The following ATF2 variants were observed in gnomAD, a reference collection of about 807,000 sequenced individuals.
ATF2 encodes cyclic AMP-dependent transcription factor ATF-2.
A neutral mutation model predicts 60.6 loss-of-function variants in ATF2; 24 were observed. The observed-to-expected ratio is 0.40, with a 90% CI of 0.29 to 0.56. ATF2 has a LOEUF of 0.56. Ranked by LOEUF, ATF2 falls within the 20% of genes least tolerant of loss-of-function variation. The probability of loss-of-function intolerance (pLI) is 0.54; values close to 1 mark genes in which losing one functional copy is unlikely to be tolerated. For missense variants in ATF2, 433 were observed against 607.7 expected, an observed-to-expected ratio of 0.71 and a Z score of 3.02; for synonymous variants, 206 against 215.4, an observed-to-expected ratio of 0.96 and a Z score of 0.38.
chr2:175,091,284 TAAGACAACTG>T (rs1279603936), intron 12 of ATF2, among the ~76,000 whole-genome samples: 2 of 152,136 alleles, frequency 1.3e-5, no homozygotes, highest in Non-Finnish European at 2.9e-5. Flanking sequence ...ATTCTACAGG[TAAGACAACTG>T]AAGACAACAG....
chr2:175,141,206 G>C (rs1301231909), intron 2 of ATF2, among the ~76,000 whole-genome samples: 1 of 151,178 alleles, frequency 6.6e-6, no homozygotes, highest in African/African-American at 2.4e-5. Flanking sequence ...TTCATAAATG[G>C]TATCTGTCAA....
At chr2:175,142,539 C>T (rs1470841452) in intron 2 of ATF2, among the ~76,000 whole-genome samples, 2 of 152,082 alleles carry the variant, frequency 1.3e-5, no homozygotes, top group South Asian at 2.1e-4. Flanking sequence ...TATTTTATTG[C>T]TATAAAGCAT....
intron 13 of ATF2, chr2:175,075,119 G>A: frequency 1.7e-6 from 2 of 1,167,430 alleles, no homozygotes; most frequent in Non-Finnish European, 1.1e-6. Flanking sequence ...AAATGAGGGA[G>A]AGTTTGGAAG....
At chr2:175,092,014 G>T (rs1694587064) in intron 12 of ATF2, among the ~76,000 whole-genome samples, 1 of 152,054 alleles carries the variant, frequency 6.6e-6, no homozygotes, top group South Asian at 2.1e-4. Context: ...TTAAAAATAA[G>T]TTCTGCAAGA....
chr2:175,080,369 G>A (rs974903850), intron 13 of ATF2: 4 of 195,386 alleles, frequency 2.0e-5, no homozygotes, highest in South Asian at 1.8e-4. Flanking sequence ...ATCCTGAGAA[G>A]ATGAACAAAA....
At position 175,073,725 on chromosome 2, in the gene ATF2, T is replaced by C. The variant is rs1291815560; in HGVS notation, c.*884A>G. On this transcript the variant is annotated 3_prime_UTR_variant, in exon 14 of 14. Coordinates refer to ENST00000264110, the MANE Select transcript of ATF2 (RefSeq NM_001880.4). ...TTTCTGGCAACCATACCATACTTAA[T>C]TATGCATAAACTTTGCAGTTTGTAA... 1 of 152,038 alleles carries C rather than the reference T, an allele frequency of 6.6e-6. No individual in the cohort carries two copies. Among genetic ancestry groups the C allele is most frequent in the Non-Finnish European group, 1.5e-5 (1 of 67,996 alleles). The allele number at this position is 152,038 out of a possible 1,614,324, so 9.4% of individuals were successfully genotyped here.
chr2:175,141,679 G>C (rs1698549304), intron 2 of ATF2, among the ~76,000 whole-genome samples: 1 of 151,886 alleles, frequency 6.6e-6, no homozygotes, highest in Admixed American at 6.6e-5. Context: ...ATTTTTAGTA[G>C]AGACGGGGTT....
chr2:175,134,132 G>A (rs1697952163), intron 3 of ATF2, among the ~76,000 whole-genome samples: 1 of 152,120 alleles, frequency 6.6e-6, no homozygotes, highest in Non-Finnish European at 1.5e-5. Context: ...AACTGCATCT[G>A]TACTAAACAT....
At chr2:175,112,552 A>T (rs2105682825) in intron 9 of ATF2, among the ~76,000 whole-genome samples, 1 of 152,330 alleles carries the variant, frequency 6.6e-6, no homozygotes, top group East Asian at 1.9e-4. Flanking sequence ...AAGTGTTGGA[A>T]TGTTACTATA....
chr2:175,141,478 T>C (rs1439846050), intron 2 of ATF2, among the ~76,000 whole-genome samples: 1 of 152,130 alleles, frequency 6.6e-6, no homozygotes, highest in Non-Finnish European at 1.5e-5. Flanking sequence ...CATAAAACTA[T>C]AAACATATTT....
At chr2:175,098,553 A>G (rs1164678079) in intron 10 of ATF2, among the ~76,000 whole-genome samples, 2 of 152,160 alleles carry the variant, frequency 1.3e-5, no homozygotes, top group African/African-American at 4.8e-5. Context: ...CTGAGAGACA[A>G]AAGAGAGATA....
intron 2 of ATF2, among the ~76,000 whole-genome samples, chr2:175,143,918 C>CA (rs1698768033): frequency 6.6e-6 from 1 of 152,016 alleles, no homozygotes; most frequent in Admixed American, 6.6e-5. Flanking sequence ...TTCAGCCTCG[C>CA]AAATAGCTGG....
chr2:175,084,723 T>A (rs547229756), intron 12 of ATF2, among the ~76,000 whole-genome samples: 1 of 151,662 alleles, frequency 6.6e-6, no homozygotes, highest in African/African-American at 2.4e-5. Flanking sequence ...CACAGCCACA[T>A]ACTTTTGTGT....
intron 1 of ATF2, among the ~76,000 whole-genome samples, chr2:175,152,913 T>C (rs1699406192): frequency 6.6e-6 from 1 of 152,222 alleles, no homozygotes. Context: ...GATAAATTTC[T>C]GCAAATTGTT....
chr2:175,150,202 G>A (rs893524803), intron 2 of ATF2, among the ~76,000 whole-genome samples: 1 of 152,102 alleles, frequency 6.6e-6, no homozygotes, highest in Admixed American at 6.6e-5. Flanking sequence ...TGTATTGACA[G>A]ATTTAAATTA....
chr2:175,166,605 C>T (rs1262551896), intron 1 of ATF2, among the ~76,000 whole-genome samples: 1 of 152,144 alleles, frequency 6.6e-6, no homozygotes, highest in Non-Finnish European at 1.5e-5. Flanking sequence ...TACTTTAAGA[C>T]ACTTAAACCT....
chr2:175,128,716 G>T (rs1697522069), intron 4 of ATF2, among the ~76,000 whole-genome samples: 1 of 151,994 alleles, frequency 6.6e-6, no homozygotes, highest in African/African-American at 2.4e-5. Flanking sequence ...ATTAAAATTA[G>T]AAACATCTGC....
At chr2:175,141,182 T>C (rs945372026) in intron 2 of ATF2, among the ~76,000 whole-genome samples, 4 of 151,296 alleles carry the variant, frequency 2.6e-5, no homozygotes, top group South Asian at 4.2e-4. Context: ...CCAGGGCTAA[T>C]GACCATTTGA....
chr2:175,148,195 T>A (rs957692362), intron 2 of ATF2, among the ~76,000 whole-genome samples: 3 of 151,844 alleles, frequency 2.0e-5, no homozygotes, highest in African/African-American at 7.3e-5. Context: ...GATCCGAGAG[T>A]CTCCAGTACC....
Sources: allele counts gnomAD v4.1 joint callset (sites outside exome capture counted in the v4.1 genomes callset), GRCh38; gene constraint gnomAD v4.1.1; transcripts MANE v1.5; gene names NCBI Gene and HGNC (gene_info 2026-07-23, HGNC 2026-07-21).